PRDM16: variants seen among roughly 807,000 people sequenced by gnomAD.
PRDM16 encodes the protein PR/SET domain 16.
A neutral mutation model predicts 110.6 loss-of-function variants in PRDM16; 23 were observed. The observed-to-expected ratio is 0.21, with a 90% CI of 0.15 to 0.29. The LOEUF (loss-of-function observed/expected upper bound fraction) is 0.29, where lower values mean the gene tolerates loss of function less well. Among genes scored for constraint, PRDM16 ranks in the 10% least tolerant of loss-of-function variants. The pLI is 1.00. For synonymous variants in PRDM16, 799 were observed against 781.8 expected, an observed-to-expected ratio of 1.02 and a Z score of -0.37; for missense variants, 1,615 against 1,794.3, an observed-to-expected ratio of 0.90 and a Z score of 1.81.
At chr1:3,414,732 C>A (rs1643751996) in intron 10 of PRDM16, 85 bp downstream of exon 10, 2 of 1,070,368 alleles carry the variant, frequency 1.9e-6, no homozygotes, top group Non-Finnish European at 2.8e-6. Flanking sequence ...AGTGGCCAGG[C>A]TGGAGCCTAA....
At chr1:3,079,300 G>A (rs1243912488) in intron 1 of PRDM16, among the ~76,000 whole-genome samples, 1 of 152,162 alleles carries the variant, frequency 6.6e-6, no homozygotes, top group African/African-American at 2.4e-5. Flanking sequence ...AGGGGCTACT[G>A]TCATCCCTGT....
chr1:3,344,502 T>C (rs116886027), intron 3 of PRDM16, among the ~76,000 whole-genome samples: 1 of 152,386 alleles, frequency 6.6e-6, no homozygotes, highest in East Asian at 1.9e-4. Context: ...AATCTGCTGA[T>C]TCTAACATCT....
At chr1:3,197,142 G>C (rs1638499354) in intron 2 of PRDM16, among the ~76,000 whole-genome samples, 1 of 152,188 alleles carries the variant, frequency 6.6e-6, no homozygotes, top group South Asian at 2.1e-4. Flanking sequence ...TCATACCTGA[G>C]TCCCCCTTGG....
chr1:3,322,197 G>A (rs1437432308), intron 3 of PRDM16, among the ~76,000 whole-genome samples: 1 of 150,954 alleles, frequency 6.6e-6, no homozygotes, highest in Non-Finnish European at 1.5e-5. Flanking sequence ...GTGAGAGTGG[G>A]TGTGCACGTG....
At chr1:3,334,323 A>T (rs766578646) in intron 3 of PRDM16, among the ~76,000 whole-genome samples, 18 of 152,136 alleles carry the variant, frequency 1.2e-4, no homozygotes, top group Non-Finnish European at 2.2e-4. Context: ...CACAGGTCCC[A>T]CCACGTCAGG....
rs1641981265 is a variant in PRDM16, at chr1:3,328,920, T to A, written c.439-56232T>A. On this transcript the variant is annotated intron_variant, in intron 3 of 16. Coordinates refer to ENST00000270722, the MANE Select transcript of PRDM16 (RefSeq NM_022114.4). ...TTCAGTGAGACCGTGAAGCCCAGCA[T>A]CCACAGGGGCCTGCCGGGGGAGGGC... Among the ~76,000 whole-genome samples the A allele has an allele frequency of 2.0e-5, 3 of 152,166 alleles. No individual in the cohort carries two copies. In the South Asian group the frequency reaches 6.2e-4, roughly 32 times the overall value.
chr1:3,410,242 G>C (rs578260658), intron 8 of PRDM16, among the ~76,000 whole-genome samples: 1 of 152,020 alleles, frequency 6.6e-6, no homozygotes, highest in Non-Finnish European at 1.5e-5. Context: ...CTGGTGATTC[G>C]CTGACAACCG....
chr1:3,346,075 T>C lies in PRDM16; in HGVS notation c.439-39077T>C, dbSNP rs909510039. The stretch of plus-strand genomic sequence containing the variant: ...ACTCATTCTCCGTCAACACCCACAA[T>C]GTGGGCTTTGTGAGACCTGGCAAGG... On this transcript the variant is annotated intron_variant, in intron 3 of 16. Coordinates refer to ENST00000270722, the MANE Select transcript of PRDM16 (RefSeq NM_022114.4). Among the ~76,000 whole-genome samples the C allele has an allele frequency of 2.0e-5, 3 of 152,252 alleles. No individual in the cohort carries two copies. In the South Asian group the frequency reaches 6.2e-4, roughly 32 times the overall value.
intron 3 of PRDM16, among the ~76,000 whole-genome samples, chr1:3,270,803 G>C (rs974436121): frequency 6.6e-6 from 1 of 151,626 alleles, no homozygotes; most frequent in Non-Finnish European, 1.5e-5. Flanking sequence ...AGAGTCGGGA[G>C]GAGGACAGTC....
intron 3 of PRDM16, among the ~76,000 whole-genome samples, chr1:3,301,611 A>G (rs1035767802): frequency 2.0e-5 from 3 of 152,210 alleles, no homozygotes; most frequent in Admixed American, 6.5e-5. Flanking sequence ...AGACCCAACT[A>G]CAGACTGTGT....
intron 1 of PRDM16, among the ~76,000 whole-genome samples, chr1:3,156,891 C>T (rs902544832): frequency 1.3e-5 from 2 of 152,208 alleles, no homozygotes; most frequent in Non-Finnish European, 2.9e-5. Context: ...CAGGTGGGGG[C>T]GTCAGCTCTG....
intron 3 of PRDM16, among the ~76,000 whole-genome samples, chr1:3,343,418 T>C (rs897334784): frequency 6.6e-6 from 1 of 151,642 alleles, no homozygotes; most frequent in Non-Finnish European, 1.5e-5. Context: ...CCCCAATGAG[T>C]GGCCTGGCTT....
At chr1:3,131,035 C>T (rs1288029632) in intron 1 of PRDM16, among the ~76,000 whole-genome samples, 4 of 152,112 alleles carry the variant, frequency 2.6e-5, no homozygotes, top group Admixed American at 2.0e-4. Context: ...ACGCTTGAAC[C>T]GGGTCCTGCA....
In PRDM16 at chr1:3,175,446, C is replaced by T. The variant is rs902025505; in HGVS notation, c.38-10679C>T. Among the ~76,000 whole-genome samples, 5 of 152,236 alleles carry T rather than the reference C, an allele frequency of 3.3e-5. No individual in the cohort carries two copies. The highest frequency in any genetic ancestry group is 7.3e-5 in the Non-Finnish European group (5 of 68,040). ...CACAGCCTGCCTGATGCGCCCACCT[C>T]TCCCTCTCCCTGTTTTGTTCAGGGG... On this transcript the variant is annotated intron_variant, in intron 1 of 16. Coordinates refer to ENST00000270722, the MANE Select transcript of PRDM16 (RefSeq NM_022114.4). This position sits in a 1 kb window ranked among gnomAD's most constrained non-coding sequence, Gnocchi z 4.8.
intron 1 of PRDM16, among the ~76,000 whole-genome samples, chr1:3,103,891 A>T (rs959886657): frequency 6.6e-5 from 10 of 152,204 alleles, no homozygotes; most frequent in African/African-American, 2.2e-4. Flanking sequence ...TATGTTTTTT[A>T]AAAAATAAAG....
At chr1:3,357,827 G>A (rs1032294677) in intron 3 of PRDM16, among the ~76,000 whole-genome samples, 7 of 152,214 alleles carry the variant, frequency 4.6e-5, no homozygotes, top group South Asian at 2.1e-4. Context: ...TAGCTGGCAC[G>A]TAGGAGCCCT....
chr1:3,380,132 A>G (rs1177369469), intron 3 of PRDM16, among the ~76,000 whole-genome samples: 2 of 147,200 alleles, frequency 1.4e-5, no homozygotes, highest in Admixed American at 6.7e-5. Flanking sequence ...CTCTCCTAAC[A>G]TGCCCCTCCC....
intron 2 of PRDM16, among the ~76,000 whole-genome samples, chr1:3,205,756 C>T (rs1433445637): frequency 6.6e-6 from 1 of 152,070 alleles, no homozygotes; most frequent in African/African-American, 2.4e-5. Context: ...AGTCCAGGGG[C>T]AAGGCTAGAA....
chr1:3,378,485 G>A (rs1643035178), intron 3 of PRDM16, among the ~76,000 whole-genome samples: 2 of 152,150 alleles, frequency 1.3e-5, no homozygotes, highest in South Asian at 4.1e-4. Context: ...GAGCACACGG[G>A]GCAGCCATGG....
Sources: gnomAD v4.1 joint callset for allele counts (sites outside exome capture counted in the v4.1 genomes callset) on GRCh38, gnomAD v4.1.1 for gene constraint, Gnocchi (gnomAD v3.1) non-coding constraint, MANE v1.5 for transcripts, NCBI Gene and HGNC (gene_info 2026-07-23, HGNC 2026-07-21) for gene names.